The following MSTO1 variants were observed in gnomAD, a reference collection of about 807,000 sequenced individuals.
The protein encoded by MSTO1 is protein misato homolog 1.
MSTO1 carries 24 observed loss-of-function variants against 55.7 expected under a neutral mutation model. That is an observed-to-expected ratio of 0.43 (90% CI 0.31 to 0.61). MSTO1 has a LOEUF of 0.61. Ranked by LOEUF, MSTO1 falls within the 20% of genes least tolerant of loss-of-function variation. The pLI is 0.09. For synonymous variants in MSTO1, 162 were observed against 252.8 expected, an observed-to-expected ratio of 0.64 and a Z score of 3.41; for missense variants, 363 against 625.7, an observed-to-expected ratio of 0.58 and a Z score of 4.48.
At chr1:155,590,787 C>A in the MSTO1 span, 4 of 1,606,628 alleles carry the variant, frequency 2.5e-6, no homozygotes, top group Non-Finnish European at 3.4e-6. Flanking sequence ...AGGCCCCCAG[C>A]TCCCACTTTT....
Position 155,614,621 on chromosome 1 carries a change from A to T in MSTO1, c.*348A>T. On this transcript the variant is annotated 3_prime_UTR_variant, in exon 14 of 14. Transcript: ENST00000245564. ...CTGGCCTCCTGCTCTCCAGATCTGT[A>T]AACTGGGCTCAAGGACTGTACAAGC... 1 of 869,568 alleles carries T rather than the reference A, an allele frequency of 1.2e-6. No homozygotes were observed. Among genetic ancestry groups the T allele is most frequent in the East Asian group, 2.6e-5 (1 of 38,960 alleles). The allele number at this position is 869,568 out of a possible 1,614,324, so 53.9% of individuals were successfully genotyped here.
chr1:155,601,445 A>G, the MSTO1 span, among the ~76,000 whole-genome samples: 3 of 151,702 alleles, frequency 2.0e-5, no homozygotes, highest in Non-Finnish European at 4.4e-5. Flanking sequence ...CCTGATTTAT[A>G]TATTGATTCT....
At chr1:155,580,400 T>C in the MSTO1 span, among the ~76,000 whole-genome samples, 26 of 151,898 alleles carry the variant, frequency 1.7e-4, no homozygotes, top group Non-Finnish European at 3.4e-4. Context: ...CCAGGCGTGG[T>C]GGTGTGCACC....
At chr1:155,593,956 G>A in the MSTO1 span, among the ~76,000 whole-genome samples, 23 of 151,432 alleles carry the variant, frequency 1.5e-4, no homozygotes, top group Middle Eastern at 3.4e-3. Context: ...GCAACAGAGC[G>A]AGACTCCGTC....
At chr1:155,600,058 T>C in the MSTO1 span, among the ~76,000 whole-genome samples, 27 of 152,328 alleles carry the variant, frequency 1.8e-4, no homozygotes, top group South Asian at 4.6e-3. Context: ...CTTCCTCTTA[T>C]ACTAATCCTT....
the MSTO1 span, among the ~76,000 whole-genome samples, chr1:155,587,798 AGG>A: frequency 6.6e-6 from 1 of 151,612 alleles, no homozygotes; most frequent in African/African-American, 2.4e-5. Flanking sequence ...ACCATGGGAT[AGG>A]ATAATTAATA....
the MSTO1 span, among the ~76,000 whole-genome samples, chr1:155,577,257 T>G: frequency 6.7e-4 from 100 of 149,608 alleles, no homozygotes; most frequent in South Asian, 1.7e-3. Flanking sequence ...CCCGGCTAAT[T>G]TTTTGTATTT....
the MSTO1 span, among the ~76,000 whole-genome samples, chr1:155,604,934 T>C: frequency 6.6e-6 from 1 of 151,640 alleles, no homozygotes; most frequent in Non-Finnish European, 1.5e-5. Flanking sequence ...GATTTACTAT[T>C]GACACAAAAC....
the MSTO1 span, chr1:155,591,191 G>A: frequency 6.2e-7 from 1 of 1,612,790 alleles, no homozygotes; most frequent in Non-Finnish European, 8.5e-7. Flanking sequence ...GCAGGACGCA[G>A]GAGACCAGGC....
chr1:155,571,202 C>A, the MSTO1 span, among the ~76,000 whole-genome samples: 1 of 152,156 alleles, frequency 6.6e-6, no homozygotes, highest in Admixed American at 6.6e-5. Flanking sequence ...TGCCTATAGT[C>A]CAAGCTTGTC....
chr1:155,610,021 T>A, upstream of MSTO1: 1 of 561,158 alleles, frequency 1.8e-6, no homozygotes, highest in South Asian at 2.2e-5. Flanking sequence ...AGCAACGGCG[T>A]GGCCCGTGGA....
chr1:155,586,834 G>A, the MSTO1 span: 2 of 266,610 alleles, frequency 7.5e-6, no homozygotes, highest in Non-Finnish European at 1.5e-5. Context: ...TGCAACCTCT[G>A]CCTTCCAGGT....
At chr1:155,578,704 G>C in the MSTO1 span, among the ~76,000 whole-genome samples, 3,079 of 150,778 alleles carry the variant, frequency 0.02, 103 homozygotes, top group African/African-American at 0.071. Flanking sequence ...TAGAGATGGG[G>C]TTTCACCGTG....
At chr1:155,593,993 TAA>T in the MSTO1 span, among the ~76,000 whole-genome samples, 1 of 149,968 alleles carries the variant, frequency 6.7e-6, no homozygotes, top group Non-Finnish European at 1.5e-5. Flanking sequence ...CCATGCAATG[TAA>T]AGAGTGCTAT....
At chr1:155,605,878 T>G (rs1428196101), upstream of MSTO1, among the ~76,000 whole-genome samples, 1 of 152,222 alleles carries the variant, frequency 6.6e-6, no homozygotes, top group Non-Finnish European at 1.5e-5. Context: ...ATATAAATTC[T>G]TGTGGAAAAT....
At chr1:155,588,487 A>G in the MSTO1 span, among the ~76,000 whole-genome samples, 2 of 152,252 alleles carry the variant, frequency 1.3e-5, no homozygotes, top group Middle Eastern at 6.8e-3. Context: ...GAACGAGATA[A>G]TATCCTTGTT....
Position 155,612,927 on chromosome 1 carries a change from AGTTTCCAT to A in MSTO1, c.1052_1059del (p.Val351GlyfsTer5), listed in dbSNP as rs1674593903. Reference sequence around the variant, plus strand: ...TTCCTTATCGCCTGTGTTCCTCTCCAGTTTCCATGGTTCATCTGGCTGACATGCTGAGC... The same window carrying A: ...TTCCTTATCGCCTGTGTTCCTCTCCAGGTTCATCTGGCTGACATGCTGAGC... On this transcript the variant is annotated frameshift_variant, in exon 10 of 14. Coordinates refer to ENST00000245564, the MANE Select transcript of MSTO1 (RefSeq NM_018116.4). LOFTEE classifies it high-confidence loss of function. The A allele has an allele frequency of 1.2e-6, 2 of 1,613,746 alleles. No individual in the cohort carries two copies. The highest frequency in any genetic ancestry group is 1.7e-6 in the Non-Finnish European group (2 of 1,179,790).
the MSTO1 span, among the ~76,000 whole-genome samples, chr1:155,600,546 T>C: frequency 6.6e-6 from 1 of 151,376 alleles, no homozygotes; most frequent in South Asian, 2.1e-4. Flanking sequence ...TGCATCCATA[T>C]TTTTTCTTTC....
At chr1:155,576,873 G>A in the MSTO1 span, among the ~76,000 whole-genome samples, 2 of 148,620 alleles carry the variant, frequency 1.3e-5, no homozygotes, top group Non-Finnish European at 3.0e-5. Context: ...AAATTAGCCG[G>A]GCGTGGTGGC....
Sources: allele counts gnomAD v4.1 joint callset (sites outside exome capture counted in the v4.1 genomes callset), GRCh38; gene constraint gnomAD v4.1.1; transcripts MANE v1.5; gene names NCBI Gene and HGNC (gene_info 2026-07-23, HGNC 2026-07-21).